Variants in PPAT observed in about 807,000 individuals in gnomAD.
PPAT encodes phosphoribosyl pyrophosphate amidotransferase, also known as amidophosphoribosyltransferase.
PPAT carries 20 observed loss-of-function variants against 60.2 expected under a neutral mutation model. The observed-to-expected ratio is 0.33, with a 90% confidence interval of 0.23 to 0.48. PPAT has a LOEUF of 0.48. PPAT is among the 20% of genes least tolerant of loss of function. PPAT has a pLI of 0.99. For synonymous variants in PPAT, 194 were observed against 215.1 expected, an observed-to-expected ratio of 0.90 and a Z score of 0.86; for missense variants, 349 against 629.6, an observed-to-expected ratio of 0.55 and a Z score of 4.77.
In PPAT at chr4:56,395,310, C is replaced by G. The variant is rs1715943482; in HGVS notation, c.*42G>C. The G allele has an allele frequency of 3.9e-6, 6 of 1,539,424 alleles. No individual in the cohort carries two copies. In the East Asian group the frequency reaches 9.5e-5, roughly 24 times the overall value. On this transcript the variant is annotated 3_prime_UTR_variant, in exon 11 of 11. Coordinates refer to ENST00000264220, the MANE Select transcript of PPAT (RefSeq NM_002703.5). ...AGGTGTGACCACTATAACTTCTTGA[C>G]CAACTTTCTATCTTGAAACTACACA...
rs35420817 is a variant in PPAT at position 56,399,389 on chromosome 4, T to C, written c.1026A>G (p.Pro342=). The C allele has an allele frequency of 1.8e-3, 2,929 of 1,612,188 alleles. 52 individuals carry two copies. The African/African-American group carries it at 0.034, about 19-fold the overall frequency. The part of the protein sequence containing the change: ...ALAYAGKCGL[P]YVEVLCKNRY... ...GGTTTTTACACAGCACCTCCACATA[T>C]GGAAGTCCACACTGATAGAGAAGAA... The change falls in exon 9 of 11, where the codon CCA becomes CCG. Residue 342 remains proline, a synonymous_variant. Coordinates refer to ENST00000264220, the MANE Select transcript of PPAT (RefSeq NM_002703.5).
chr4:56,417,834 G>GTTTTT (rs1560645697), intron 1 of PPAT, among the ~76,000 whole-genome samples: 9 of 111,226 alleles, frequency 8.1e-5, no homozygotes, highest in African/African-American at 2.5e-4. Flanking sequence ...TTGAAGATTT[G>GTTTTT]GTTTTTTGTT....
In PPAT at chr4:56,410,131, T is replaced by C. The variant is rs141022468; in HGVS notation, c.129-2415A>G. 2.7e-3 allele frequency among the ~76,000 whole-genome samples: 412 copies of C among 152,336 alleles called. 1 individual carries two copies. The highest frequency in any genetic ancestry group is 6.8e-3 in the Middle Eastern group (2 of 294). ...TAGGTGATTCATGTCAGAGGAAATA[T>C]ATTATTAACATTGGCTATAGACCTC... On this transcript the variant is annotated intron_variant, in intron 1 of 10. Transcript: ENST00000264220.
intron 3 of PPAT, 73 bp from the exon 4 acceptor site, chr4:56,403,474 A>G: frequency 2.9e-6 from 3 of 1,030,978 alleles, no homozygotes; most frequent in Non-Finnish European, 4.1e-6. Context: ...GTAGCCAACC[A>G]TAATGAAAAT....
rs1002684029 is a variant in PPAT, at chr4:56,394,559, G to A, written c.*793C>T. ...TAAATACTATGGATCACATTTTCTA[G>A]TCAAATGTAGGAAAAACTTTTTCAC... On this transcript the variant is annotated 3_prime_UTR_variant, in exon 11 of 11. Coordinates refer to ENST00000264220, the MANE Select transcript of PPAT (RefSeq NM_002703.5). 2 of 152,084 alleles carry A rather than the reference G, an allele frequency of 1.3e-5. No homozygotes were observed. The highest frequency in any genetic ancestry group is 4.8e-5 in the African/African-American group (2 of 41,390). The allele number at this position is 152,084 out of a possible 1,614,324, so 9.4% of individuals were successfully genotyped here. A position where few individuals can be genotyped will look rare whatever the true frequency, so the allele number is the denominator to read the frequency against.
chr4:56,406,299 T>C (rs1240831756), intron 3 of PPAT, among the ~76,000 whole-genome samples, 196 bp downstream of exon 3: 1 of 152,198 alleles, frequency 6.6e-6, no homozygotes, highest in Non-Finnish European at 1.5e-5. Flanking sequence ...CTCACCCTTG[T>C]CTCGAACTCT....
At chr4:56,409,302 C>T (rs2110042588) in intron 1 of PPAT, among the ~76,000 whole-genome samples, 1 of 152,274 alleles carries the variant, frequency 6.6e-6, no homozygotes, top group African/African-American at 2.4e-5. Flanking sequence ...CTTCTAACCT[C>T]TACTCTTTAT....
Position 56,404,154 on chromosome 4 carries a change from G to A in PPAT, c.403-753C>T, listed in dbSNP as rs1329713118. 10 of 343,294 alleles carry A rather than the reference G, an allele frequency of 2.9e-5. 1 individual carries two copies. Among genetic ancestry groups the A allele is most frequent in the South Asian group, 2.2e-4 (10 of 44,830 alleles). 21.3% of individuals were successfully genotyped at this position (343,294 alleles called of 1,614,324 possible). A position where few individuals can be genotyped will look rare whatever the true frequency, so the allele number is the denominator to read the frequency against. On this transcript the variant is annotated intron_variant, in intron 3 of 10. Coordinates refer to ENST00000264220, the MANE Select transcript of PPAT (RefSeq NM_002703.5). ...TTCAAGCAGGAAAAATGTGCTTTAT[G>A]AGATGTACAGAAAAGCTTTTGAATA...
Position 56,400,929 on chromosome 4 carries a change from G to C in PPAT, c.887-18C>G. 1.2e-6 allele frequency: 2 copies of C among 1,600,322 alleles called. No individual in the cohort carries two copies. ...CATTTGGTCTGGTGTGTTTGGAAAA[G>C]GAGAGAGAGTATTTTTACTTAGCAT... On this transcript the variant is annotated intron_variant, in intron 7 of 10. Transcript: ENST00000264220.
At position 56,395,547 on chromosome 4, in the gene PPAT, T is replaced by A. The variant is rs560199458; in HGVS notation, c.1359A>T (p.Gly453=). 33 of 1,522,970 alleles carry A rather than the reference T, an allele frequency of 2.2e-5. 3 individuals are homozygous for A. The South Asian group carries it at 4.2e-4, about 19-fold the overall frequency. The allele number at this position is 1,522,970 out of a possible 1,614,324, so 94.3% of individuals were successfully genotyped here. A position where few individuals can be genotyped will look rare whatever the true frequency, so the allele number is the denominator to read the frequency against. ...CTGACAGATACACAACACTGTTTGC[T>A]CCTAAAGAAAGAGGGAAAAATAAAA... ...PEFDHLAEYL[G]ANSVVYLSVE... Residue 453 remains glycine, a splice_region_variant and synonymous_variant, in exon 11 of 11, where the codon GGA becomes GGT. Transcript: ENST00000264220.
rs765137503 is a variant in PPAT at position 56,399,326 on chromosome 4, C to T, written c.1089G>A (p.Arg363=). The change falls in exon 9 of 11, where the codon AGG becomes AGA. Residue 363 remains arginine, a synonymous_variant. Transcript: ENST00000264220. Reference sequence around the variant, plus strand: ...TTTTTGCAACACCAAGTTGTCTTAACCTCATGTTTGGCTGAATGAAGGTTC... The same window carrying T: ...TTTTTGCAACACCAAGTTGTCTTAATCTCATGTTTGGCTGAATGAAGGTTC... ...VGRTFIQPNM[R]LRQLGVAKKF... is the part of the protein sequence containing the mutation. 50 of 1,613,820 alleles carry T rather than the reference C, an allele frequency of 3.1e-5. No individual in the cohort carries two copies. Among genetic ancestry groups the T allele is most frequent in the African/African-American group, 4.0e-5 (3 of 74,864 alleles).
At chr4:56,434,442 CAG>C (rs1717785897) in intron 1 of PPAT, among the ~76,000 whole-genome samples, 1 of 152,274 alleles carries the variant, frequency 6.6e-6, no homozygotes, top group African/African-American at 2.4e-5. Context: ...ATATCAAACC[CAG>C]GTTTGTTTTT....
At chr4:56,420,388 G>A (rs1323876677) in intron 1 of PPAT, 1 of 152,124 alleles carries the variant, frequency 6.6e-6, no homozygotes, top group Non-Finnish European at 1.5e-5. Context: ...TTCAAATTTT[G>A]TAGCATTTCA....
At chr4:56,433,781 G>A (rs568825135) in intron 1 of PPAT, among the ~76,000 whole-genome samples, 1 of 151,608 alleles carries the variant, frequency 6.6e-6, no homozygotes, top group East Asian at 1.9e-4. Flanking sequence ...TGGAACCTAA[G>A]CCTCCCGGGT....
chr4:56,405,027 A>C (rs1327595986), intron 3 of PPAT, among the ~76,000 whole-genome samples: 2 of 152,130 alleles, frequency 1.3e-5, no homozygotes, highest in Non-Finnish European at 2.9e-5. Context: ...AAGAAACTCA[A>C]CATTAATTAA....
At chr4:56,403,725 G>A (rs1578115917) in intron 3 of PPAT, among the ~76,000 whole-genome samples, 1 of 152,258 alleles carries the variant, frequency 6.6e-6, no homozygotes, top group East Asian at 1.9e-4. Flanking sequence ...GAATCAGTGG[G>A]AGCCCTGAGC....
intron 1 of PPAT, chr4:56,410,734 T>G (rs1716410070): frequency 4.1e-6 from 4 of 986,830 alleles, no homozygotes; most frequent in Non-Finnish European, 4.8e-6. Context: ...ATAGAACAGT[T>G]AAATATGCCC....
At chr4:56,410,452 T>C (rs1716391641) in intron 1 of PPAT, 1 of 889,340 alleles carries the variant, frequency 1.1e-6, no homozygotes, top group Non-Finnish European at 1.3e-6. Context: ...CAACCAGCCA[T>C]GTGGTTTCCT....
intron 1 of PPAT, chr4:56,431,322 A>T: frequency 2.8e-6 from 1 of 356,562 alleles, no homozygotes; most frequent in African/African-American, 2.2e-5. Flanking sequence ...AAACTAAATG[A>T]AGATTAACTG....
Sources: allele counts gnomAD v4.1 joint callset (sites outside exome capture counted in the v4.1 genomes callset), GRCh38; gene constraint gnomAD v4.1.1; transcripts MANE v1.5; gene names NCBI Gene and HGNC (gene_info 2026-07-23, HGNC 2026-07-21).